EPHB1: variants seen among roughly 807,000 people sequenced by gnomAD.
EPHB1 encodes EPH receptor B1.
Under a neutral mutation model 94.4 loss-of-function variants are expected in EPHB1, and 30 were observed. That is an observed-to-expected ratio of 0.32 (90% CI 0.24 to 0.43). The LOEUF (loss-of-function observed/expected upper bound fraction) is 0.43. EPHB1 is among the 20% of genes least tolerant of loss of function. EPHB1 has a pLI of 1.00. For missense variants in EPHB1, 1,055 were observed against 1,308.3 expected (o/e 0.81, Z 2.99); for synonymous variants, 522 against 489.1 (o/e 1.07, Z -0.89).
intron 1 of EPHB1, 36 bp from the exon 2 acceptor site, chr3:134,925,780 G>GT: frequency 1.3e-6 from 2 of 1,538,116 alleles, no homozygotes; most frequent in South Asian, 2.4e-5. Context: ...CTGACTCATT[G>GT]TTTTTGTTTA....
intron 3 of EPHB1, among the ~76,000 whole-genome samples, chr3:134,976,366 A>G (rs1174787159): frequency 1.3e-5 from 2 of 152,296 alleles, no homozygotes; most frequent in South Asian, 2.1e-4. Context: ...TCCTCACCTG[A>G]CTCAATAAAG....
At chr3:134,945,039 G>A (rs536867002) in intron 2 of EPHB1, among the ~76,000 whole-genome samples, 10 of 152,144 alleles carry the variant, frequency 6.6e-5, no homozygotes, top group Non-Finnish European at 1.5e-4. Flanking sequence ...ATATATTTAA[G>A]AGTTATATCT....
intron 12 of EPHB1, among the ~76,000 whole-genome samples, chr3:135,223,755 A>T (rs572366483): frequency 2.0e-5 from 3 of 152,374 alleles, no homozygotes; most frequent in South Asian, 2.1e-4. Flanking sequence ...AATTAACAAG[A>T]GGATTTTTAA....
At chr3:134,916,663 C>A (rs1418098864) in intron 1 of EPHB1, among the ~76,000 whole-genome samples, 4 of 152,210 alleles carry the variant, frequency 2.6e-5, no homozygotes, top group Non-Finnish European at 5.9e-5. Context: ...AGTGTGGGGC[C>A]CGCTGAGCCC....
intron 12 of EPHB1, among the ~76,000 whole-genome samples, chr3:135,239,122 A>T (rs558299311): frequency 2.0e-5 from 3 of 152,190 alleles, no homozygotes; most frequent in Non-Finnish European, 2.9e-5. Context: ...TGAGCTGAGG[A>T]CATCTCCCCC....
intron 1 of EPHB1, among the ~76,000 whole-genome samples, chr3:134,895,963 G>T (rs2038080050): frequency 6.6e-6 from 1 of 152,162 alleles, no homozygotes; most frequent in African/African-American, 2.4e-5. Context: ...TGGCAAACAG[G>T]CTTGAAGATG....
intron 1 of EPHB1, among the ~76,000 whole-genome samples, chr3:134,873,054 C>G (rs895190486): frequency 1.3e-5 from 2 of 152,176 alleles, no homozygotes; most frequent in African/African-American, 4.8e-5. Context: ...GATACATCAC[C>G]TGAAATTTTC....
intron 9 of EPHB1, among the ~76,000 whole-genome samples, chr3:135,175,034 T>C (rs1446290911): frequency 6.6e-6 from 1 of 152,180 alleles, no homozygotes; most frequent in Non-Finnish European, 1.5e-5. Flanking sequence ...GTATTGATTT[T>C]GTACTTCCTG....
chr3:134,906,954 G>C (rs1217390529), intron 1 of EPHB1, among the ~76,000 whole-genome samples: 1 of 152,192 alleles, frequency 6.6e-6, no homozygotes, highest in Admixed American at 6.5e-5. Context: ...GGTCTTCTAA[G>C]ATAAGATAAT....
At chr3:135,042,881 G>A (rs4955466) in intron 3 of EPHB1, among the ~76,000 whole-genome samples, 34,652 of 151,644 alleles carry the variant, frequency 0.23, 5,541 homozygotes, top group East Asian at 0.73. Context: ...TCCGTCTGTC[G>A]CCCAGGCTGG....
intron 3 of EPHB1, among the ~76,000 whole-genome samples, chr3:135,037,354 C>T (rs1203724131): frequency 6.6e-6 from 1 of 152,194 alleles, no homozygotes; most frequent in East Asian, 1.9e-4. Flanking sequence ...GGAGGAGGTT[C>T]AAATCCTCAG....
chr3:134,914,866 C>A (rs961060785), intron 1 of EPHB1, among the ~76,000 whole-genome samples: 3 of 152,124 alleles, frequency 2.0e-5, no homozygotes, highest in African/African-American at 7.2e-5. Flanking sequence ...GAGGGGCCAC[C>A]AGCCTCTCCC....
intron 9 of EPHB1, 64 bp downstream of exon 9, chr3:135,167,070 C>A: frequency 6.4e-7 from 1 of 1,565,646 alleles, no homozygotes; most frequent in Non-Finnish European, 8.8e-7. Context: ...TGGGCTAGTG[C>A]TCAGAGCTCT....
intron 5 of EPHB1, among the ~76,000 whole-genome samples, chr3:135,146,601 C>T (rs928242327): frequency 3.3e-5 from 5 of 152,208 alleles, no homozygotes; most frequent in Non-Finnish European, 5.9e-5. Flanking sequence ...CAGGTTATCT[C>T]AAAATGTTCA....
rs547225296 is a variant in EPHB1, at chr3:135,034,629, C to T, written c.806-71819C>T. Among the ~76,000 whole-genome samples the T allele has an allele frequency of 4.6e-5, 7 of 152,382 alleles. No individual in the cohort carries two copies. The South Asian group carries it at 8.3e-4, about 18-fold the overall frequency. ...TGCACTTTAGTGCCTAGACAAGATT[C>T]GGTCTCAAGTCACAGCCGCAGGGAC... On this transcript the variant is annotated intron_variant, in intron 3 of 15. Transcript: ENST00000398015.
chr3:134,872,751 C>A (rs1001251603), intron 1 of EPHB1, among the ~76,000 whole-genome samples: 1 of 152,194 alleles, frequency 6.6e-6, no homozygotes, highest in African/African-American at 2.4e-5. Flanking sequence ...TCCCCCTCCC[C>A]ACATCATGCA....
At chr3:134,987,366 G>A (rs1934636988) in intron 3 of EPHB1, among the ~76,000 whole-genome samples, 1 of 152,118 alleles carries the variant, frequency 6.6e-6, no homozygotes, top group South Asian at 2.1e-4. Flanking sequence ...AACCTTTAAG[G>A]AGATAATTAA....
At chr3:134,811,487 C>T (rs2036179542) in intron 1 of EPHB1, among the ~76,000 whole-genome samples, 1 of 151,994 alleles carries the variant, frequency 6.6e-6, no homozygotes, top group Non-Finnish European at 1.5e-5. Context: ...GATCCACCTG[C>T]CTCTGCCTTC....
In EPHB1 at chr3:134,951,316, C is replaced by T; in HGVS notation, c.124-55C>T. On this transcript the variant is annotated intron_variant, in intron 2 of 15. Transcript: ENST00000398015. The surrounding 1 kb of genome is among the most constrained non-coding windows in gnomAD (Gnocchi z 4.5). ...CCTCTGCTATGCCTATTTTTGTATTCTCACTCTCTATTTTGTGTTTTTGCA... is the reference window on the plus strand; with the variant it reads ...CCTCTGCTATGCCTATTTTTGTATTTTCACTCTCTATTTTGTGTTTTTGCA... The T allele has an allele frequency of 2.1e-6, 3 of 1,458,580 alleles. No homozygotes were observed. Among genetic ancestry groups the T allele is most frequent in the Admixed American group, 2.6e-5 (1 of 38,540 alleles). The allele number at this position is 1,458,580 out of a possible 1,614,324, so 90.4% of individuals were successfully genotyped here.
Sources: gnomAD v4.1 joint callset for allele counts (sites outside exome capture counted in the v4.1 genomes callset) on GRCh38, gnomAD v4.1.1 for gene constraint, Gnocchi (gnomAD v3.1) non-coding constraint, MANE v1.5 for transcripts, NCBI Gene and HGNC (gene_info 2026-07-23, HGNC 2026-07-21) for gene names.